EIF3K: variants seen among roughly 807,000 people sequenced by gnomAD.
EIF3K encodes the protein eukaryotic translation initiation factor 3 subunit K, also known as eIF-3 p28.
In EIF3K, 27 loss-of-function variants were observed where a neutral mutation model predicts 34.2. The ratio of observed to expected loss-of-function variants is 0.79; its 90% CI spans 0.58 to 1.09. The LOEUF (loss-of-function observed/expected upper bound fraction) is 1.09. EIF3K is among the 50% of genes least tolerant of loss of function. The probability of loss-of-function intolerance (pLI) is 0.00; values close to 1 mark genes in which losing one functional copy is unlikely to be tolerated. For missense variants in EIF3K, 232 were observed against 275.4 expected (o/e 0.84, Z 1.11); for synonymous variants, 105 against 105.7 (o/e 0.99, Z 0.04).
At chr19:38,626,377 G>A (rs1975951813) in intron 4 of EIF3K, 1 of 417,256 alleles carries the variant, frequency 2.4e-6, no homozygotes, top group Non-Finnish European at 4.3e-6. Flanking sequence ...CCAGTGGCTG[G>A]GTGTAGTGAC....
At chr19:38,624,412 G>A (rs995498426) in intron 3 of EIF3K, among the ~76,000 whole-genome samples, 6 of 152,160 alleles carry the variant, frequency 3.9e-5, no homozygotes, top group African/African-American at 7.2e-5. Flanking sequence ...TGAAGAGTCA[G>A]TGATAGACTG....
chr19:38,628,459 C>T (rs1401863190), intron 4 of EIF3K: 1 of 152,512 alleles, frequency 6.6e-6, no homozygotes, highest in East Asian at 1.9e-4. Flanking sequence ...TCCATCCCCA[C>T]ATTCTTGGGC....
intron 7 of EIF3K, chr19:38,635,834 C>T (rs1171940823): frequency 1.3e-5 from 2 of 152,338 alleles, no homozygotes; most frequent in Non-Finnish European, 2.9e-5. Flanking sequence ...GGTGCTGCTT[C>T]ACTGCCGCTC....
At chr19:38,632,889 T>G in intron 6 of EIF3K, 1 of 519,336 alleles carries the variant, frequency 1.9e-6, no homozygotes, top group Admixed American at 3.6e-5. Context: ...ATTAATTGAG[T>G]GCCTACCGTG....
At chr19:38,621,161 A>G (rs1975831817) in intron 2 of EIF3K, among the ~76,000 whole-genome samples, 1 of 150,124 alleles carries the variant, frequency 6.7e-6, no homozygotes. Context: ...GTGCCACTGC[A>G]CTCCAGCCTG....
In EIF3K at chr19:38,620,509, G is replaced by A; in HGVS notation, c.158+74G>A. The stretch of plus-strand genomic sequence containing the variant: ...GTGCCACTCCCAGTACAGGGCAAGG[G>A]GGTGGCTGGTAGTATCCTGAACAAT... On this transcript the variant is annotated intron_variant, in intron 2 of 7. Coordinates refer to ENST00000248342, the MANE Select transcript of EIF3K (RefSeq NM_013234.4). The A allele has an allele frequency of 6.8e-6, 9 of 1,316,004 alleles. No homozygotes were observed. In the South Asian group the frequency reaches 1.1e-4, roughly 16 times the overall value. 81.5% of individuals were successfully genotyped at this position (1,316,004 alleles called of 1,614,324 possible).
intron 7 of EIF3K, chr19:38,635,453 C>T: frequency 2.5e-6 from 1 of 405,854 alleles, no homozygotes; most frequent in African/African-American, 2.0e-5. Context: ...CTTGGGGTGC[C>T]CAAGCCTCAT....
Position 38,626,070 on chromosome 19 carries a change from C to T in EIF3K, c.322C>T (p.Leu108=). 5.6e-6 allele frequency: 9 copies of T among 1,614,198 alleles called. No individual in the cohort carries two copies. The highest frequency in any genetic ancestry group is 7.6e-6 in the Non-Finnish European group (9 of 1,180,038). The part of the protein sequence containing the change: ...PIRQILYLGD[L]LETCHFQAFW... Reference sequence around the variant, plus strand: ...CCGACAGATTTTGTACCTCGGGGACCTGCTGGAGACCTGCCATTTCCAGGC... The same window carrying T: ...CCGACAGATTTTGTACCTCGGGGACTTGCTGGAGACCTGCCATTTCCAGGC... The change falls in exon 4 of 8, where the codon CTG becomes TTG. Residue 108 remains leucine, a synonymous_variant. Coordinates refer to ENST00000248342, the MANE Select transcript of EIF3K (RefSeq NM_013234.4).
At chr19:38,623,644 G>T (rs1233328165) in intron 2 of EIF3K, among the ~76,000 whole-genome samples, 1 of 151,500 alleles carries the variant, frequency 6.6e-6, no homozygotes, top group Non-Finnish European at 1.5e-5. Context: ...TTGCAAGGGA[G>T]GAAACCGTCA....
intron 6 of EIF3K, among the ~76,000 whole-genome samples, chr19:38,634,651 A>G (rs1168765320): frequency 1.3e-5 from 2 of 152,114 alleles, no homozygotes; most frequent in South Asian, 4.1e-4. Flanking sequence ...TAATTTTGCA[A>G]CCGTTTCATA....
intron 2 of EIF3K, among the ~76,000 whole-genome samples, chr19:38,621,409 T>C (rs1215080793): frequency 6.6e-6 from 1 of 151,820 alleles, no homozygotes; most frequent in Admixed American, 6.6e-5. Flanking sequence ...TGAGACCCTG[T>C]CTCAAAAATA....
chr19:38,633,620 C>T (rs558850636), intron 6 of EIF3K, among the ~76,000 whole-genome samples: 8 of 151,326 alleles, frequency 5.3e-5, no homozygotes, highest in East Asian at 2.0e-4. Flanking sequence ...ATTGCTTCAA[C>T]GCAGGAGGCG....
intron 4 of EIF3K, among the ~76,000 whole-genome samples, chr19:38,631,680 T>A (rs1976069425): frequency 6.6e-6 from 1 of 152,202 alleles, no homozygotes; most frequent in South Asian, 2.1e-4. Flanking sequence ...CACAGACCCT[T>A]TACGGGTGTC....
intron 4 of EIF3K, 117 bp from the exon 5 acceptor site, chr19:38,632,313 C>A: frequency 1.1e-6 from 1 of 940,224 alleles, no homozygotes; most frequent in Non-Finnish European, 1.6e-6. Context: ...ATCACTTGAG[C>A]CCAGAAATTC....
chr19:38,628,832 AAG>A (rs1428317416), intron 4 of EIF3K, among the ~76,000 whole-genome samples: 5 of 151,934 alleles, frequency 3.3e-5, no homozygotes, highest in Admixed American at 6.6e-5. Context: ...AAAAAAAAAA[AAG>A]AGAAAAAATG....
chr19:38,632,715 TTGGGGG>T, intron 6 of EIF3K, 37 bp downstream of exon 6: 2 of 1,578,130 alleles, frequency 1.3e-6, no homozygotes, highest in Non-Finnish European at 1.7e-6. Flanking sequence ...ATCTGGGAGG[TTGGGGG>T]TGGCTAGGGC....
chr19:38,619,889 G>A (rs935591388), intron 1 of EIF3K, among the ~76,000 whole-genome samples: 2 of 152,246 alleles, frequency 1.3e-5, no homozygotes, highest in African/African-American at 4.8e-5. Flanking sequence ...GACAGCGATA[G>A]CCGGGAGAGA....
In EIF3K at chr19:38,625,960, G is replaced by A. The variant is rs1012580306; in HGVS notation, c.280-68G>A. 3.5e-6 allele frequency: 5 copies of A among 1,420,250 alleles called. No individual in the cohort carries two copies. In the African/African-American group the frequency reaches 7.0e-5, roughly 20 times the overall value. The allele number at this position is 1,420,250 out of a possible 1,614,324, so 88.0% of individuals were successfully genotyped here. On this transcript the variant is annotated intron_variant, in intron 3 of 7. Transcript: ENST00000248342. ...GAAAGCAGCCAGAAGAAGGTAGGTG[G>A]GGAGGGGTGATCTGGGGTCCAACCT... is the stretch of plus-strand genomic sequence containing the variant.
In EIF3K at chr19:38,626,119, C is replaced by T; in HGVS notation, c.354+17C>T. 1 of 1,612,778 alleles carries T rather than the reference C, an allele frequency of 6.2e-7. No individual in the cohort carries two copies. The highest frequency in any genetic ancestry group is 1.3e-5 in the African/African-American group (1 of 75,020). On this transcript the variant is annotated intron_variant, in intron 4 of 7. Transcript: ENST00000248342. Reference sequence around the variant, plus strand: ...GCCTTCTGGGTAACTTCCCTGGGGTCCAGGGGCAGGGGAGATGGCAGGGCC... The same window carrying T: ...GCCTTCTGGGTAACTTCCCTGGGGTTCAGGGGCAGGGGAGATGGCAGGGCC...
Sources: gnomAD v4.1 joint callset for allele counts (sites outside exome capture counted in the v4.1 genomes callset) on GRCh38, gnomAD v4.1.1 for gene constraint, MANE v1.5 for transcripts, NCBI Gene and HGNC (gene_info 2026-07-23, HGNC 2026-07-21) for gene names.